The following CPNE1 variants were observed in gnomAD, a reference collection of about 807,000 sequenced individuals.
The protein encoded by CPNE1 is copine 1, also known as copine-1.
CPNE1 carries 58 observed loss-of-function variants against 63.2 expected under a neutral mutation model. The ratio of observed to expected loss-of-function variants is 0.92; its 90% CI spans 0.74 to 1.14. The LOEUF is 1.14. Ranked by LOEUF, CPNE1 falls within the 50% of genes most tolerant of loss-of-function variation. The pLI, the probability that CPNE1 is intolerant of heterozygous loss-of-function variation, is 0.00. For missense variants in CPNE1, 672 were observed against 661.7 expected (o/e 1.02, Z -0.17); for synonymous variants, 237 against 249.0 (o/e 0.95, Z 0.45).
chr20:35,629,860 T>A (rs995436767), intron 13 of CPNE1, among the ~76,000 whole-genome samples: 11 of 151,474 alleles, frequency 7.3e-5, no homozygotes, highest in Middle Eastern at 3.4e-3. Context: ...GGTTTTGCCA[T>A]GTTTCCCAAG....
chr20:35,627,290 C>T lies in CPNE1; in HGVS notation c.1226G>A (p.Gly409Glu). Residue 409 changes from glycine to glutamate, a missense_variant, in exon 14 of 16, where the codon GGG (glycine) becomes GAG (glutamate). Gly to Glu is a moderately conservative substitution (Grantham distance 98, BLOSUM62 -2). Transcript: ENST00000397443. The stretch of plus-strand genomic sequence containing the variant: ...ACCCACGACTCTCACCGAGGCAGTC[C>T]CCTGATGTGCAGCCTGGGCTGCAAA... ...ARFAAQAAHQGTASQYFMLLL... is the reference protein window; with the variant it reads ...ARFAAQAAHQETASQYFMLLL... The T allele has an allele frequency of 6.2e-7, 1 of 1,613,186 alleles. No homozygotes were observed.
chr20:35,651,051 C>T (rs1411498229), intron 1 of CPNE1: 1 of 152,234 alleles, frequency 6.6e-6, no homozygotes, highest in Admixed American at 6.5e-5. Context: ...GTAACCATAA[C>T]TAGAGCCCTG....
At chr20:35,658,816 C>T in intron 1 of CPNE1, 4 of 515,030 alleles carry the variant, frequency 7.8e-6, no homozygotes, top group East Asian at 5.9e-5. Context: ...CACACACACA[C>T]ACACACACAC....
intron 1 of CPNE1, chr20:35,653,101 C>T (rs1400651293): frequency 6.2e-7 from 1 of 1,613,842 alleles, no homozygotes; most frequent in Non-Finnish European, 8.5e-7. Flanking sequence ...GCCTCCTAAT[C>T]CTGGAGGAGG....
At chr20:35,648,054 G>A (rs2146327617) in intron 1 of CPNE1, among the ~76,000 whole-genome samples, 2 of 145,614 alleles carry the variant, frequency 1.4e-5, no homozygotes, top group East Asian at 4.0e-4. Context: ...AACAGATACA[G>A]ACTCCATCTC....
intron 13 of CPNE1, 43 bp from the exon 14 acceptor site, chr20:35,627,456 C>G: frequency 6.2e-7 from 1 of 1,604,980 alleles, no homozygotes; most frequent in South Asian, 1.1e-5. Context: ...CTGGACCTCT[C>G]AGGACTACAC....
intron 1 of CPNE1, among the ~76,000 whole-genome samples, chr20:35,637,185 T>C (rs192120428): frequency 1.3e-5 from 2 of 152,168 alleles, no homozygotes; most frequent in Admixed American, 1.3e-4. Flanking sequence ...CAGGCCTTAT[T>C]AGTCTCTTGC....
rs148065643 is a variant in CPNE1 at position 35,653,704 on chromosome 20, T to C, written c.-1+11056A>G. The C allele has an allele frequency of 2.1e-5, 34 of 1,614,062 alleles. No individual in the cohort carries two copies. Among genetic ancestry groups the C allele is most frequent in the Non-Finnish European group, 2.7e-5 (32 of 1,180,032 alleles). ...TATGTGGGCACAGACTTTGGCAGAG[T>C]TGACATCCCCCTCTGGATTTAGTAT... On this transcript the variant is annotated intron_variant, in intron 1 of 15. Transcript: ENST00000397443.
chr20:35,657,627 T>C (rs1316205713), intron 1 of CPNE1, among the ~76,000 whole-genome samples: 1 of 152,172 alleles, frequency 6.6e-6, no homozygotes, highest in Non-Finnish European at 1.5e-5. Context: ...TTGTACAAGG[T>C]ACACATGAGA....
intron 1 of CPNE1, among the ~76,000 whole-genome samples, chr20:35,647,176 T>C (rs1245478947): frequency 6.6e-6 from 1 of 151,896 alleles, no homozygotes; most frequent in Non-Finnish European, 1.5e-5. Context: ...TAGCTGGGCA[T>C]GGTGGCAGAT....
chr20:35,645,156 A>G (rs1303832413), intron 1 of CPNE1, among the ~76,000 whole-genome samples: 1 of 152,172 alleles, frequency 6.6e-6, no homozygotes, highest in Non-Finnish European at 1.5e-5. Context: ...ACAGCACAAA[A>G]TGAGATGAGT....
chr20:35,646,269 AAAAAAAAAAG>A (rs1471884226), intron 1 of CPNE1, among the ~76,000 whole-genome samples: 2 of 150,776 alleles, frequency 1.3e-5, no homozygotes, highest in Non-Finnish European at 3.0e-5. Flanking sequence ...AAAAAAAAAA[AAAAAAAAAAG>A]AAACAAAAAA....
intron 1 of CPNE1, chr20:35,654,438 C>T: frequency 6.2e-7 from 1 of 1,614,202 alleles, no homozygotes; most frequent in Non-Finnish European, 8.5e-7. Context: ...TGGGGAGTGG[C>T]TTCACACTGC....
chr20:35,633,138 C>A (rs894741657), intron 1 of CPNE1, among the ~76,000 whole-genome samples: 5 of 152,132 alleles, frequency 3.3e-5, no homozygotes, highest in Non-Finnish European at 7.4e-5. Context: ...TACAACCAAC[C>A]CTGGTCTGAA....
At chr20:35,640,371 T>A (rs1012638948) in intron 1 of CPNE1, among the ~76,000 whole-genome samples, 7 of 152,230 alleles carry the variant, frequency 4.6e-5, no homozygotes, top group African/African-American at 1.7e-4. Flanking sequence ...ACTGCCATTA[T>A]AATTAACGCC....
chr20:35,658,834 C>G, intron 1 of CPNE1: 2 of 644,252 alleles, frequency 3.1e-6, no homozygotes, highest in Non-Finnish European at 5.7e-6. Context: ...CACACACACA[C>G]ACACAATATA....
intron 1 of CPNE1, among the ~76,000 whole-genome samples, chr20:35,634,146 A>C (rs1453499386): frequency 7.6e-6 from 1 of 131,158 alleles, no homozygotes; most frequent in Non-Finnish European, 1.6e-5. Context: ...CTGTAGTCCC[A>C]GCTACTCGGG....
At chr20:35,641,104 C>G (rs983902837) in intron 1 of CPNE1, among the ~76,000 whole-genome samples, 4 of 152,162 alleles carry the variant, frequency 2.6e-5, no homozygotes, top group Non-Finnish European at 5.9e-5. Context: ...CTCTCAGTGT[C>G]CCTTAAGAAA....
intron 1 of CPNE1, among the ~76,000 whole-genome samples, chr20:35,635,913 A>T (rs1252965090): frequency 6.6e-6 from 1 of 152,150 alleles, no homozygotes; most frequent in African/African-American, 2.4e-5. Context: ...CCCTGCATGA[A>T]CAGTCCCAGT....
Sources: gnomAD v4.1 joint callset for allele counts (sites outside exome capture counted in the v4.1 genomes callset) on GRCh38, gnomAD v4.1.1 for gene constraint, MANE v1.5 for transcripts, NCBI Gene and HGNC (gene_info 2026-07-23, HGNC 2026-07-21) for gene names.